The following CFAP299 variants were observed in gnomAD, a reference collection of about 807,000 sequenced individuals.
CFAP299 encodes cilia- and flagella-associated protein 299.
In CFAP299, 21 loss-of-function variants were observed where a neutral mutation model predicts 27.0. The observed-to-expected ratio is 0.78, with a 90% confidence interval of 0.55 to 1.12. The LOEUF (loss-of-function observed/expected upper bound fraction) is 1.12, where lower values mean the gene tolerates loss of function less well. Ranked by LOEUF, CFAP299 falls within the 50% of genes most tolerant of loss-of-function variation. The pLI is 0.00. For synonymous variants in CFAP299, 104 were observed against 98.1 expected, an observed-to-expected ratio of 1.06 and a Z score of -0.36; for missense variants, 310 against 276.6, an observed-to-expected ratio of 1.12 and a Z score of -0.86.
chr4:80,685,655 G>C (rs1313594924), intron 3 of CFAP299, among the ~76,000 whole-genome samples: 1 of 150,644 alleles, frequency 6.6e-6, no homozygotes, highest in Admixed American at 6.6e-5. Flanking sequence ...AGAGCAAATT[G>C]GTATTAAAGG....
intron 3 of CFAP299, among the ~76,000 whole-genome samples, chr4:80,738,917 AT>A (rs1724084033): frequency 6.6e-6 from 1 of 151,640 alleles, no homozygotes; most frequent in African/African-American, 2.4e-5. Context: ...TCCATTGTAT[AT>A]TTTTGGTTTG....
chr4:80,947,882 C>CA (rs1377647203), intron 5 of CFAP299, among the ~76,000 whole-genome samples: 4 of 151,970 alleles, frequency 2.6e-5, no homozygotes, highest in Non-Finnish European at 4.4e-5. Flanking sequence ...AAGGAAGAAC[C>CA]AAGAAATAAG....
chr4:80,706,518 G>T (rs959159885), intron 3 of CFAP299, among the ~76,000 whole-genome samples: 1 of 151,654 alleles, frequency 6.6e-6, no homozygotes, highest in Non-Finnish European at 1.5e-5. Flanking sequence ...GCAAACTCCT[G>T]ATAATCATAG....
At chr4:80,327,374 T>C in the CFAP299 span, among the ~76,000 whole-genome samples, 1 of 151,658 alleles carries the variant, frequency 6.6e-6, no homozygotes, top group South Asian at 2.1e-4. Context: ...ACCAGAAAAA[T>C]AGCCAGGGTG....
intron 3 of CFAP299, among the ~76,000 whole-genome samples, chr4:80,688,415 C>CT (rs1398785964): frequency 1.6e-4 from 3 of 18,622 alleles, no homozygotes; most frequent in African/African-American, 6.3e-4. Context: ...GGGAGGCACC[C>CT]CCCAGCAGGG....
intron 2 of CFAP299, among the ~76,000 whole-genome samples, chr4:80,477,167 A>T (rs1180215851): frequency 6.6e-6 from 1 of 151,988 alleles, no homozygotes; most frequent in Non-Finnish European, 1.5e-5. Flanking sequence ...AGCTCAAGCG[A>T]TTCTCCCACC....
At chr4:80,824,008 T>A (rs1230450030) in intron 3 of CFAP299, among the ~76,000 whole-genome samples, 3 of 152,184 alleles carry the variant, frequency 2.0e-5, no homozygotes, top group African/African-American at 7.2e-5. Flanking sequence ...CCCATAAAAC[T>A]TTTATTGATA....
chr4:80,849,618 A>G (rs547326245), intron 3 of CFAP299, among the ~76,000 whole-genome samples: 12 of 152,300 alleles, frequency 7.9e-5, no homozygotes, highest in Admixed American at 4.6e-4. Context: ...AGGTACATAG[A>G]AAATCAAGAG....
chr4:80,861,220 C>A (rs542203091), intron 3 of CFAP299, among the ~76,000 whole-genome samples: 3 of 152,300 alleles, frequency 2.0e-5, no homozygotes, highest in Admixed American at 2.0e-4. Flanking sequence ...GAGCCAGGTG[C>A]AGGATATAAT....
In CFAP299 at chr4:80,730,349, A is replaced by G. The variant is rs139250402; in HGVS notation, c.334-139644A>G. On this transcript the variant is annotated intron_variant, in intron 3 of 5. Coordinates refer to ENST00000358105, the MANE Select transcript of CFAP299 (RefSeq NM_152770.3). ...TGTATCAGTGTATCCCCCAGGGTCT[A>G]TAAGCACAGAACACTCTTACACTTC... Among the ~76,000 whole-genome samples, 765 of 151,154 alleles carry G rather than the reference A, an allele frequency of 5.1e-3. 4 individuals are homozygous for G. The highest frequency in any genetic ancestry group is 0.021 in the Middle Eastern group (6 of 292).
At chr4:80,911,625 A>G (rs1560473669) in intron 4 of CFAP299, among the ~76,000 whole-genome samples, 1 of 152,172 alleles carries the variant, frequency 6.6e-6, no homozygotes, top group Non-Finnish European at 1.5e-5. Context: ...GGCTGGAATA[A>G]GATTCTAGTC....
intron 2 of CFAP299, among the ~76,000 whole-genome samples, chr4:80,482,328 A>G: frequency 6.6e-6 from 1 of 152,100 alleles, no homozygotes; most frequent in East Asian, 1.9e-4. Flanking sequence ...TTTGTCTATC[A>G]TTTATTTAAT....
intron 3 of CFAP299, among the ~76,000 whole-genome samples, chr4:80,858,802 A>G (rs889336575): frequency 6.6e-6 from 1 of 151,972 alleles, no homozygotes; most frequent in Non-Finnish European, 1.5e-5. Context: ...GTTCTTTTAC[A>G]TTTGCTGAGG....
At chr4:80,608,248 T>G in intron 3 of CFAP299, 2 of 809,932 alleles carry the variant, frequency 2.5e-6, no homozygotes, top group Non-Finnish European at 3.9e-6. Context: ...TACCAGAGGG[T>G]GGGGTTCAAG....
chr4:80,327,253 G>A, the CFAP299 span, among the ~76,000 whole-genome samples: 940 of 152,260 alleles, frequency 6.2e-3, 2 homozygotes, highest in Middle Eastern at 0.02. Context: ...AGGAGAGATG[G>A]CATTCTAGGC....
At chr4:80,435,515 C>T (rs1728023464) in intron 2 of CFAP299, among the ~76,000 whole-genome samples, 1 of 152,164 alleles carries the variant, frequency 6.6e-6, no homozygotes, top group African/African-American at 2.4e-5. Context: ...ATTGTTCAAC[C>T]CCTAAGGAAA....
intron 3 of CFAP299, among the ~76,000 whole-genome samples, chr4:80,770,779 CT>C (rs1726168041): frequency 1.3e-5 from 2 of 151,994 alleles, no homozygotes; most frequent in Admixed American, 1.3e-4. Context: ...AAACTTAGTT[CT>C]TTTGGTTTTG....
At chr4:80,737,221 A>G (rs1310419608) in intron 3 of CFAP299, among the ~76,000 whole-genome samples, 1 of 151,762 alleles carries the variant, frequency 6.6e-6, no homozygotes, top group Non-Finnish European at 1.5e-5. Context: ...CTAGATGACG[A>G]GTTAGTGGGT....
At chr4:80,413,157 A>T (rs1441435521) in intron 2 of CFAP299, among the ~76,000 whole-genome samples, 3 of 152,196 alleles carry the variant, frequency 2.0e-5, no homozygotes, top group Non-Finnish European at 2.9e-5. Context: ...TGAAAGCTTA[A>T]CTGGAGTGGG....
Sources: gnomAD v4.1 joint callset for allele counts (sites outside exome capture counted in the v4.1 genomes callset) on GRCh38, gnomAD v4.1.1 for gene constraint, MANE v1.5 for transcripts, NCBI Gene and HGNC (gene_info 2026-07-23, HGNC 2026-07-21) for gene names.